LZTFL1: variants seen among roughly 807,000 people sequenced by gnomAD.
The protein encoded by LZTFL1 is leucine zipper transcription factor-like protein 1.
LZTFL1 carries 25 observed loss-of-function variants against 45.9 expected under a neutral mutation model. The ratio of observed to expected loss-of-function variants is 0.54; its 90% CI spans 0.40 to 0.76. The LOEUF (loss-of-function observed/expected upper bound fraction) is 0.76. LZTFL1 is among the 30% of genes least tolerant of loss of function. The probability of loss-of-function intolerance (pLI) is 0.00; values close to 1 mark genes in which losing one functional copy is unlikely to be tolerated. For missense variants in LZTFL1, 277 were observed against 331.1 expected, an observed-to-expected ratio of 0.84 and a Z score of 1.27; for synonymous variants, 93 against 117.4, an observed-to-expected ratio of 0.79 and a Z score of 1.35.
Position 45,876,647 on chromosome 3 carries a change from T to A in LZTFL1, c.-214-17631A>T, listed in dbSNP as rs575368658. ...TTAGTTCTTTTTCCTCTCACAGCAA[T>A]CCCTTGAAGGGGGTAGTATCATCCT... On this transcript the variant is annotated intron_variant, in intron 2 of 4. Coordinates refer to the LZTFL1 transcript ENST00000472635. Among the ~76,000 whole-genome samples, 8 of 152,248 alleles carry A rather than the reference T, an allele frequency of 5.3e-5. No individual in the cohort carries two copies. The East Asian group carries it at 1.5e-3, about 29-fold the overall frequency.
At chr3:45,876,732 C>T (rs1455004876) in intron 2 of LZTFL1, among the ~76,000 whole-genome samples, 4 of 152,194 alleles carry the variant, frequency 2.6e-5, no homozygotes, top group African/African-American at 9.7e-5. Context: ...CGTCTTGACA[C>T]CAAAGCCTGT....
At chr3:45,887,941 T>A (rs867374403) in intron 2 of LZTFL1, among the ~76,000 whole-genome samples, 4 of 152,228 alleles carry the variant, frequency 2.6e-5, no homozygotes, top group Admixed American at 6.5e-5. Context: ...AAGTTCAAAG[T>A]AAGGACCTGC....
At position 45,828,455 on chromosome 3, in the gene LZTFL1, A is replaced by T; in HGVS notation, c.761T>A (p.Leu254Gln). The change falls in exon 8 of 10, where the codon CTG becomes CAG. Residue 254 changes from leucine to glutamine, a missense_variant. Physicochemically the swap from Leu to Gln is moderately radical, Grantham distance 113. Coordinates refer to ENST00000296135, the MANE Select transcript of LZTFL1 (RefSeq NM_020347.4). ...KHDLLRVQEQ[L>Q]HMAEKELEKK... ...TCTTCTGACCTTTTCAGCCATGTGC[A>T]GCTGCTCCTGAACCCTGAGTAGATC... is the stretch of plus-strand genomic sequence containing the variant. 2 of 1,613,678 alleles carry T rather than the reference A, an allele frequency of 1.2e-6. No individual in the cohort carries two copies. Among genetic ancestry groups the T allele is most frequent in the South Asian group, 1.1e-5 (1 of 91,028 alleles).
At chr3:45,892,816 T>G (rs1045785026) in intron 2 of LZTFL1, among the ~76,000 whole-genome samples, 3 of 152,148 alleles carry the variant, frequency 2.0e-5, no homozygotes, top group Non-Finnish European at 2.9e-5. Flanking sequence ...GGCACTCCAG[T>G]GCACTTTTGA....
At chr3:45,851,917 T>C (rs1374720709) in intron 4 of LZTFL1, among the ~76,000 whole-genome samples, 1 of 152,116 alleles carries the variant, frequency 6.6e-6, no homozygotes, top group Non-Finnish European at 1.5e-5. Context: ...CTTTTTGACA[T>C]TTTTTCCCCA....
At position 45,861,172 on chromosome 3, in the gene LZTFL1, G is replaced by A. The variant is rs563572921; in HGVS notation, c.-214-2156C>T. The stretch of plus-strand genomic sequence containing the variant: ...GTATCAGTACAGAGACTGCCTGTGC[G>A]TATTATAATTATTTTGAAAGACTGT... On this transcript the variant is annotated intron_variant, in intron 2 of 4. Transcript: ENST00000472635. Among the ~76,000 whole-genome samples, 8 of 144,690 alleles carry A rather than the reference G, an allele frequency of 5.5e-5. No individual in the cohort carries two copies. In the South Asian group the frequency reaches 9.3e-4, roughly 17 times the overall value. The allele number at this position is 144,690 out of a possible 152,430, so 94.9% of individuals were successfully genotyped here.
chr3:45,860,477 G>GT (rs949659153), intron 2 of LZTFL1, among the ~76,000 whole-genome samples: 55 of 143,174 alleles, frequency 3.8e-4, no homozygotes, highest in Middle Eastern at 3.4e-3. Context: ...TTTTTTTTTT[G>GT]TTTTTTGGTA....
In LZTFL1 at chr3:45,893,831, T is replaced by C. The variant is rs546907818; in HGVS notation, c.-215+19289A>G. Among the ~76,000 whole-genome samples the C allele has an allele frequency of 5.4e-4, 83 of 152,330 alleles. 1 individual carries two copies. In the South Asian group the frequency reaches 0.017, roughly 32 times the overall value. On this transcript the variant is annotated intron_variant, in intron 2 of 4. Transcript: ENST00000472635. ...TTAGGAGTGGGATGACTGGATCACATGGTGAGTGCATGTATAACGTCTTAA... is the reference window on the plus strand; with the variant it reads ...TTAGGAGTGGGATGACTGGATCACACGGTGAGTGCATGTATAACGTCTTAA...
chr3:45,835,531 A>G (rs1408950485), intron 3 of LZTFL1, 59 bp downstream of exon 3: 3 of 1,512,368 alleles, frequency 2.0e-6, no homozygotes, highest in East Asian at 2.3e-5. Context: ...GATGTTCACT[A>G]ACTTTTAAGA....
In LZTFL1 at chr3:45,837,971, T is replaced by C; in HGVS notation, c.84A>G (p.Arg28=). Residue 28 remains arginine (R), a synonymous_variant, in exon 2 of 10, where the codon AGA becomes AGG. Transcript: ENST00000296135. ...MRFARSKRGL[R]LKTVDSCFQD... is the part of the protein sequence containing the mutation. ...GGAAGCAGGAATCTACAGTTTTGAG[T>C]CTCAAGCCTCTCTTTGAACGAGCAA... 1 of 1,613,766 alleles carries C rather than the reference T, an allele frequency of 6.2e-7. No individual in the cohort carries two copies. Among genetic ancestry groups the C allele is most frequent in the Non-Finnish European group, 8.5e-7 (1 of 1,179,920 alleles).
intron 1 of LZTFL1, among the ~76,000 whole-genome samples, chr3:45,915,102 G>A (rs1048568263): frequency 1.3e-5 from 2 of 152,146 alleles, no homozygotes; most frequent in Non-Finnish European, 2.9e-5. Flanking sequence ...ACTGCCTTTG[G>A]TGTCTGTTCC....
intron 2 of LZTFL1, among the ~76,000 whole-genome samples, chr3:45,891,179 C>T (rs937028711): frequency 3.9e-5 from 6 of 152,202 alleles, no homozygotes; most frequent in African/African-American, 1.4e-4. Flanking sequence ...CGGTGAATGC[C>T]CAGGTGGCTG....
At chr3:45,912,681 C>T (rs1263685183) in intron 2 of LZTFL1, among the ~76,000 whole-genome samples, 2 of 152,156 alleles carry the variant, frequency 1.3e-5, no homozygotes, top group Non-Finnish European at 2.9e-5. Context: ...AGGAGTCAAC[C>T]CCAGCCACGA....
chr3:45,859,771 G>A (rs1430092353), intron 2 of LZTFL1, among the ~76,000 whole-genome samples: 1 of 151,482 alleles, frequency 6.6e-6, no homozygotes, highest in African/African-American at 2.4e-5. Context: ...CAAGTAGCTG[G>A]GATTACAGGC....
chr3:45,898,789 A>C (rs994751058), intron 2 of LZTFL1, among the ~76,000 whole-genome samples: 3 of 152,236 alleles, frequency 2.0e-5, no homozygotes, highest in African/African-American at 7.2e-5. Context: ...TGTTCCAATA[A>C]ATTTAGAAAA....
At chr3:45,886,352 T>G (rs1427975196) in intron 2 of LZTFL1, among the ~76,000 whole-genome samples, 2 of 152,214 alleles carry the variant, frequency 1.3e-5, no homozygotes, top group Non-Finnish European at 2.9e-5. Context: ...ATGTGCGTCT[T>G]CAGATGAGAC....
At chr3:45,842,646 G>T (rs1318099614), upstream of LZTFL1, among the ~76,000 whole-genome samples, 1 of 152,034 alleles carries the variant, frequency 6.6e-6, no homozygotes, top group African/African-American at 2.4e-5. Flanking sequence ...CCAGCTAAAA[G>T]TCTCTAGCAA....
intron 2 of LZTFL1, among the ~76,000 whole-genome samples, chr3:45,891,330 A>G (rs1412074668): frequency 6.6e-6 from 1 of 152,196 alleles, no homozygotes; most frequent in African/African-American, 2.4e-5. Flanking sequence ...ACTTGTATCT[A>G]ATTTCAAGCT....
In LZTFL1 at chr3:45,833,033, C is replaced by T. The variant is rs776439734; in HGVS notation, c.456+17G>A. Reference sequence around the variant, plus strand: ...ACAGAATGAGAGACTTTCCGTTTCTCAAAATAATAATATTACCTTGTTTAG... The same window carrying T: ...ACAGAATGAGAGACTTTCCGTTTCTTAAAATAATAATATTACCTTGTTTAG... On this transcript the variant is annotated intron_variant, in intron 5 of 9. Transcript: ENST00000296135. The T allele has an allele frequency of 3.8e-6, 6 of 1,595,018 alleles. No individual in the cohort carries two copies. The highest frequency in any genetic ancestry group is 2.6e-6 in the Non-Finnish European group (3 of 1,163,882).
Sources: allele counts gnomAD v4.1 joint callset (sites outside exome capture counted in the v4.1 genomes callset), GRCh38; gene constraint gnomAD v4.1.1; transcripts MANE v1.5; gene names NCBI Gene and HGNC (gene_info 2026-07-23, HGNC 2026-07-21).